Variants in LAMC3 observed in about 807,000 individuals in gnomAD.
LAMC3 encodes the protein laminin subunit gamma-3.
Under a neutral mutation model 173.8 loss-of-function variants are expected in LAMC3, and 128 were observed. The ratio of observed to expected loss-of-function variants is 0.74; its 90% CI spans 0.64 to 0.85. The LOEUF is 0.85. LAMC3 is among the 40% of genes least tolerant of loss of function. LAMC3 has a pLI of 0.00. For missense variants in LAMC3, 2,022 were observed against 2,156.0 expected, an observed-to-expected ratio of 0.94 and a Z score of 1.23; for synonymous variants, 897 against 909.1, an observed-to-expected ratio of 0.99 and a Z score of 0.24.
chr9:131,009,417 C>G lies in LAMC3; in HGVS notation c.203C>G (p.Ala68Gly). The change falls in exon 1 of 28, where the codon GCG (alanine) becomes GGG (glycine). Residue 68 changes from alanine (A) to glycine (G), a missense_variant. Ala to Gly is a moderately conservative substitution (Grantham distance 60). Transcript: ENST00000361069. The surrounding 1 kb of genome is among the most constrained non-coding windows in gnomAD (Gnocchi z 4.3). Reference sequence around the variant, plus strand: ...GACTTCTGTCCCCACGTGGGCGCCGCGGGCGCGGGGGCTCATTGCCAGCGC... The same window carrying G: ...GACTTCTGTCCCCACGTGGGCGCCGGGGGCGCGGGGGCTCATTGCCAGCGC... ...PEDFCPHVGAAGAGAHCQRCD... is the reference protein window; with the variant it reads ...PEDFCPHVGAGGAGAHCQRCD... 6.5e-7 allele frequency: 1 copy of G among 1,541,476 alleles called. No individual in the cohort carries two copies. Among genetic ancestry groups the G allele is most frequent in the South Asian group, 1.2e-5 (1 of 83,852 alleles).
At position 131,093,908 on chromosome 9, in the gene LAMC3, G is replaced by A. The variant is rs1479374239; in HGVS notation, c.*2121G>A. On this transcript the variant is annotated 3_prime_UTR_variant, in exon 28 of 28. Transcript: ENST00000361069. ...TGCCCACTGCATCCTCCACCTCCCA[G>A]GTTTAAGCAATTCTCCTGCCTCAGC... The A allele has an allele frequency of 6.6e-6, 1 of 152,214 alleles. No homozygotes were observed. Among genetic ancestry groups the A allele is most frequent in the Non-Finnish European group, 1.5e-5 (1 of 68,100 alleles). 9.4% of individuals were successfully genotyped at this position (152,214 alleles called of 1,614,324 possible).
chr9:131,016,100 G>A (rs993035448), intron 1 of LAMC3, among the ~76,000 whole-genome samples: 3 of 152,212 alleles, frequency 2.0e-5, no homozygotes, highest in Non-Finnish European at 4.4e-5. Flanking sequence ...CACAGCCACA[G>A]TATAGACGAA....
intron 1 of LAMC3, among the ~76,000 whole-genome samples, chr9:131,018,019 C>G (rs1019514169): frequency 6.6e-6 from 1 of 151,950 alleles, no homozygotes; most frequent in Non-Finnish European, 1.5e-5. Context: ...GAGCAAGACT[C>G]CATCTCAAAA....
At chr9:131,041,856 C>A (rs1834063627) in intron 7 of LAMC3, 121 bp downstream of exon 7, 2 of 820,020 alleles carry the variant, frequency 2.4e-6, no homozygotes, top group Non-Finnish European at 4.1e-6. Flanking sequence ...CTTGGGTGAC[C>A]TTGTCACCCT....
intron 9 of LAMC3, among the ~76,000 whole-genome samples, chr9:131,051,062 C>T (rs890527622): frequency 1.5e-4 from 23 of 151,760 alleles, no homozygotes; most frequent in Admixed American, 1.2e-3. Flanking sequence ...AGCCAGGAAA[C>T]GCTCTGGGGC....
chr9:131,022,984 C>T (rs1833654023), intron 1 of LAMC3, among the ~76,000 whole-genome samples: 1 of 152,184 alleles, frequency 6.6e-6, no homozygotes, highest in African/African-American at 2.4e-5. Context: ...CTTCCTGTCT[C>T]TGTGGATTTG....
intron 2 of LAMC3, among the ~76,000 whole-genome samples, chr9:131,028,504 C>T (rs561543801): frequency 1.2e-4 from 19 of 152,314 alleles, no homozygotes; most frequent in African/African-American, 4.3e-4. Context: ...GTTCTGTCAG[C>T]GATGTGCAGC....
chr9:131,079,131 C>T lies in LAMC3; in HGVS notation c.3778-18C>T, dbSNP rs367979483. 22 of 1,611,232 alleles carry T rather than the reference C, an allele frequency of 1.4e-5. No individual in the cohort carries two copies. Among genetic ancestry groups the T allele is most frequent in the Admixed American group, 1.7e-5 (1 of 59,652 alleles). On this transcript the variant is annotated intron_variant, in intron 22 of 27. Transcript: ENST00000361069. ...CCTTCCTTTCCAGGCCCTGCCTGAG[C>T]GCATTGTCTCCCTGCAGCCTCAGAA...
At position 131,087,495 on chromosome 9, in the gene LAMC3, G is replaced by T; in HGVS notation, c.4250G>T (p.Arg1417Met). The T allele has an allele frequency of 1.2e-6, 2 of 1,613,838 alleles. No individual in the cohort carries two copies. The highest frequency in any genetic ancestry group is 1.7e-6 in the Non-Finnish European group (2 of 1,180,038). Reference sequence around the variant, plus strand: ...CCATAGCTTGCCAAGGCCTTGCTGAGGGAGCGGAAACAGGCGCACCGCCGT... The same window carrying T: ...CCATAGCTTGCCAAGGCCTTGCTGATGGAGCGGAAACAGGCGCACCGCCGT... ...DSAKLAKALLRERKQAHRRAS... is the reference protein window; with the variant it reads ...DSAKLAKALLMERKQAHRRAS... The change falls in exon 26 of 28, where the codon AGG becomes ATG. Residue 1417 changes from arginine to methionine, a missense_variant. Arg to Met is a moderately conservative substitution (Grantham distance 91). Coordinates refer to ENST00000361069, the MANE Select transcript of LAMC3 (RefSeq NM_006059.4).
rs1320172952 is a variant in LAMC3 at position 131,052,870 on chromosome 9, A to G, written c.1844A>G (p.Asp615Gly). ...LRFHLQETSEDVAPPLPPFHF... is the reference protein window; with the variant it reads ...LRFHLQETSEGVAPPLPPFHF... ...GCCAGCCTGCAGGAGACCTCCGAGGACGTGGCCCCTCCACTGCCCCCCTTC... is the reference window on the plus strand; with the variant it reads ...GCCAGCCTGCAGGAGACCTCCGAGGGCGTGGCCCCTCCACTGCCCCCCTTC... The change falls in exon 11 of 28, where the codon GAC becomes GGC. Residue 615 changes from aspartate (D) to glycine (G), a missense_variant. Physicochemically the swap from Asp to Gly is moderately conservative, Grantham distance 94. Transcript: ENST00000361069. 7 of 1,601,860 alleles carry G rather than the reference A, an allele frequency of 4.4e-6. No homozygotes were observed. The African/African-American group carries it at 9.5e-5, about 22-fold the overall frequency.
chr9:131,062,316 G>A (rs1002687568), intron 13 of LAMC3, among the ~76,000 whole-genome samples: 2 of 151,586 alleles, frequency 1.3e-5, no homozygotes, highest in African/African-American at 4.9e-5. Flanking sequence ...AGCCAAGATC[G>A]CGCCACTGCA....
chr9:131,031,895 C>A, intron 2 of LAMC3, 150 bp from the exon 3 acceptor site: 1 of 1,352,192 alleles, frequency 7.4e-7, no homozygotes, highest in Non-Finnish European at 1.0e-6. Flanking sequence ...CTCCTTATTT[C>A]TGCAGTGTTC....
At chr9:131,016,618 A>AT (rs1295684175) in intron 1 of LAMC3, among the ~76,000 whole-genome samples, 5 of 152,216 alleles carry the variant, frequency 3.3e-5, no homozygotes, top group Non-Finnish European at 7.3e-5. Flanking sequence ...AGTTAAGTAA[A>AT]TTGTAGGACA....
At chr9:131,030,872 C>G (rs1052678262) in intron 2 of LAMC3, among the ~76,000 whole-genome samples, 9 of 152,252 alleles carry the variant, frequency 5.9e-5, no homozygotes, top group Admixed American at 3.3e-4. Context: ...CGCAAGCTCC[C>G]CAGCTCCACC....
chr9:131,069,229 G>GA (rs1280142650), intron 16 of LAMC3, among the ~76,000 whole-genome samples, 179 bp downstream of exon 16: 1 of 152,236 alleles, frequency 6.6e-6, no homozygotes, highest in African/African-American at 2.4e-5. Context: ...CGGGACAGCA[G>GA]AGTCACATGA....
intron 4 of LAMC3, among the ~76,000 whole-genome samples, chr9:131,036,669 G>T (rs1833950778): frequency 6.6e-6 from 1 of 152,146 alleles, no homozygotes; most frequent in African/African-American, 2.4e-5. Flanking sequence ...TACCCAACAA[G>T]CAAGGGGGTG....
Position 131,073,299 on chromosome 9 carries a change from GAGGCCC to G in LAMC3, c.3473_3478del (p.Glu1158_Arg1160delinsGly), listed in dbSNP as rs752465114. The stretch of plus-strand genomic sequence containing the variant: ...GACCAAATGGAGCCACCTGGCCACA[GAGGCCC>G]GTGCCCTCGCCAGGAGGTGAGTCCC... On this transcript the variant is annotated inframe_deletion, in exon 20 of 28. Transcript: ENST00000361069. 22 of 1,613,914 alleles carry G rather than the reference GAGGCCC, an allele frequency of 1.4e-5. No homozygotes were observed. In the South Asian group the frequency reaches 2.2e-4, roughly 16 times the overall value.
chr9:131,090,675 G>A (rs1359386933), intron 27 of LAMC3, among the ~76,000 whole-genome samples: 1 of 152,212 alleles, frequency 6.6e-6, no homozygotes, highest in African/African-American at 2.4e-5. Context: ...TGGATCACTG[G>A]AGGTCAGGAG....
At position 131,091,820 on chromosome 9, in the gene LAMC3, A is replaced by G; in HGVS notation, c.*33A>G. ...CCAGATCCCCGGCACACACTCCCCCACCTGCTGTTTACATGACCCAGGGGG... is the reference window on the plus strand; with the variant it reads ...CCAGATCCCCGGCACACACTCCCCCGCCTGCTGTTTACATGACCCAGGGGG... On this transcript the variant is annotated 3_prime_UTR_variant, in exon 28 of 28. Transcript: ENST00000361069. 1 of 1,608,370 alleles carries G rather than the reference A, an allele frequency of 6.2e-7. No individual in the cohort carries two copies. The highest frequency in any genetic ancestry group is 8.5e-7 in the Non-Finnish European group (1 of 1,179,644).
Sources: allele counts gnomAD v4.1 joint callset (sites outside exome capture counted in the v4.1 genomes callset), GRCh38; gene constraint gnomAD v4.1.1; non-coding constraint Gnocchi (gnomAD v3.1); transcripts MANE v1.5; gene names NCBI Gene and HGNC (gene_info 2026-07-23, HGNC 2026-07-21).